Variants in NFAT5 observed in about 807,000 individuals in gnomAD.
The protein encoded by NFAT5 is nuclear factor of activated T-cells 5.
Under a neutral mutation model 166.5 loss-of-function variants are expected in NFAT5, and 31 were observed. The ratio of observed to expected loss-of-function variants is 0.19; its 90% CI spans 0.14 to 0.25. NFAT5 has a LOEUF of 0.25. Ranked by LOEUF, NFAT5 falls within the 10% of genes least tolerant of loss-of-function variation. The pLI, the probability that NFAT5 is intolerant of heterozygous loss-of-function variation, is 1.00. For missense variants in NFAT5, 1,449 were observed against 1,821.8 expected (o/e 0.80, Z 3.72); for synonymous variants, 612 against 639.7 (o/e 0.96, Z 0.65).
At chr16:69,687,921 G>A (rs1344341226) in intron 11 of NFAT5, among the ~76,000 whole-genome samples, 3 of 151,996 alleles carry the variant, frequency 2.0e-5, no homozygotes, top group African/African-American at 7.2e-5. Context: ...TTGGCCGGGC[G>A]CGGTGGCTCA....
chr16:69,664,890 G>A (rs2036300795), intron 7 of NFAT5, among the ~76,000 whole-genome samples: 1 of 152,000 alleles, frequency 6.6e-6, no homozygotes, highest in African/African-American at 2.4e-5. Flanking sequence ...AGCCGGGCTT[G>A]GTGGTGCATA....
Position 69,692,715 on chromosome 16 carries a change from G to A in NFAT5, c.2890G>A (p.Glu964Lys), listed in dbSNP as rs1424945015. ...SHMMSALSTN[E>K]DMQMQCELFS... ...CATGATGAGTGCATTGTCTACCAAT[G>A]AGGATATGCAAATGCAGTGTGAATT... The change falls in exon 13 of 15, where the codon GAG (glutamate) becomes AAG (lysine). Residue 964 changes from glutamate (E) to lysine (K), a missense_variant. Physicochemically the swap from Glu to Lys is moderately conservative, Grantham distance 56. Transcript: ENST00000349945. 1 of 1,614,080 alleles carries A rather than the reference G, an allele frequency of 6.2e-7. No homozygotes were observed. The highest frequency in any genetic ancestry group is 8.5e-7 in the Non-Finnish European group (1 of 1,180,044).
intron 11 of NFAT5, 47 bp from the exon 12 acceptor site, chr16:69,690,892 TA>T: frequency 7.1e-7 from 1 of 1,404,356 alleles, no homozygotes; most frequent in Non-Finnish European, 9.4e-7. Flanking sequence ...AAATAGTTGG[TA>T]AATTTTGTGA....
intron 3 of NFAT5, among the ~76,000 whole-genome samples, chr16:69,626,930 A>C (rs2034484518): frequency 6.6e-6 from 1 of 152,110 alleles, no homozygotes. Flanking sequence ...AAATGACTGA[A>C]GCACTCAAGT....
rs780851457 is a variant in NFAT5 at position 69,693,960 on chromosome 16, G to A, written c.4135G>A (p.Val1379Ile). ...CCATAGCTCTCCTCAGATTCAGTTG[G>A]TACAAGGGTCACCTAGTTCTCAAGA... ...LFHSSPQIQL[V>I]QGSPSSQEQQ... The change falls in exon 13 of 15, where the codon GTA (valine) becomes ATA (isoleucine). Residue 1379 changes from valine (V) to isoleucine (I), a missense_variant. Val to Ile is a conservative substitution (Grantham distance 29). Transcript: ENST00000349945. 5.6e-6 allele frequency: 9 copies of A among 1,614,168 alleles called. No homozygotes were observed. Among genetic ancestry groups the A allele is most frequent in the Non-Finnish European group, 7.6e-6 (9 of 1,180,034 alleles).
rs998259044 is a variant in NFAT5, at chr16:69,693,941, C to T, written c.4116C>T (p.Ser1372=). The change falls in exon 13 of 15, where the codon AGC becomes AGT. Residue 1372 remains serine, a synonymous_variant. Coordinates refer to ENST00000349945, the MANE Select transcript of NFAT5 (RefSeq NM_138713.4). ...SESSQTPLFH[S]SPQIQLVQGS... ...CATCACAGACCCCCTTGTTCCATAG[C>T]TCTCCTCAGATTCAGTTGGTACAAG... The T allele has an allele frequency of 7.4e-6, 12 of 1,614,118 alleles. No individual in the cohort carries two copies. Among genetic ancestry groups the T allele is most frequent in the Admixed American group, 6.7e-5 (4 of 60,012 alleles).
At chr16:69,627,323 CATATATATATATATAT>C (rs10524659) in intron 3 of NFAT5, among the ~76,000 whole-genome samples, 45 of 128,858 alleles carry the variant, frequency 3.5e-4, no homozygotes, top group African/African-American at 4.8e-4. Flanking sequence ...AAAAAGGAAA[CATATATATATATATAT>C]ATATATATAT....
chr16:69,573,739 T>C (rs897830185), intron 2 of NFAT5, among the ~76,000 whole-genome samples: 1 of 152,156 alleles, frequency 6.6e-6, no homozygotes, highest in East Asian at 1.9e-4. Context: ...CATATTCTAA[T>C]CCAGTGGTTC....
chr16:69,600,760 G>GAAAAA (rs34206965), intron 2 of NFAT5, among the ~76,000 whole-genome samples: 3 of 101,358 alleles, frequency 3.0e-5, no homozygotes, highest in Admixed American at 1.2e-4. Flanking sequence ...GGAATACTTT[G>GAAAAA]AAAAAAAAAA....
intron 10 of NFAT5, 115 bp from the exon 11 acceptor site, chr16:69,684,772 C>T (rs901754053): frequency 1.5e-6 from 1 of 683,488 alleles, no homozygotes; most frequent in Non-Finnish European, 2.3e-6. Flanking sequence ...AGAATTTCTG[C>T]TAAATAAATA....
In NFAT5 at chr16:69,694,135, C is replaced by G; in HGVS notation, c.4310C>G (p.Ala1437Gly). The G allele has an allele frequency of 6.2e-7, 1 of 1,614,220 alleles. No individual in the cohort carries two copies. The highest frequency in any genetic ancestry group is 8.5e-7 in the Non-Finnish European group (1 of 1,180,036). Residue 1437 changes from alanine (A) to glycine (G), a missense_variant, in exon 13 of 15, where the codon GCT becomes GGT. Ala to Gly is a moderately conservative substitution (Grantham distance 60). This residue lies in a region of NFAT5 where 891 missense variants were observed against 993.0 expected (regional missense o/e 0.90). Transcript: ENST00000349945. Reference sequence around the variant, plus strand: ...GCCACATCTTCGCCTCAACCACAGGCTACTTTATTTCACAACACAGCAGGA... The same window carrying G: ...GCCACATCTTCGCCTCAACCACAGGGTACTTTATTTCACAACACAGCAGGA... ...QGATSSPQPQ[A>G]TLFHNTAGGT...
At chr16:69,694,430 T>C (rs1414245660) in intron 13 of NFAT5, among the ~76,000 whole-genome samples, 191 bp downstream of exon 13, 1 of 152,186 alleles carries the variant, frequency 6.6e-6, no homozygotes, top group Non-Finnish European at 1.5e-5. Flanking sequence ...AATTTTTGTA[T>C]TTTTGTTAGA....
At chr16:69,607,752 G>C (rs1451606930) in intron 2 of NFAT5, among the ~76,000 whole-genome samples, 1 of 152,132 alleles carries the variant, frequency 6.6e-6, no homozygotes, top group Non-Finnish European at 1.5e-5. Flanking sequence ...ATTTATTTTG[G>C]TCTTCTCATT....
intron 2 of NFAT5, among the ~76,000 whole-genome samples, chr16:69,585,234 C>T (rs780226894): frequency 4.0e-5 from 6 of 151,840 alleles, no homozygotes; most frequent in Admixed American, 6.6e-5. Flanking sequence ...TGGTCTTGAT[C>T]CCCTGACCTC....
chr16:69,683,121 G>C (rs13331216), intron 10 of NFAT5, among the ~76,000 whole-genome samples: 24,534 of 152,112 alleles, frequency 0.16, 2,173 homozygotes, highest in East Asian at 0.38. Flanking sequence ...TAAGGCAGGA[G>C]AATCGCTTGA....
At chr16:69,654,945 TTGTTCCCAAATGC>T (rs2035819035) in intron 5 of NFAT5, among the ~76,000 whole-genome samples, 1 of 152,192 alleles carries the variant, frequency 6.6e-6, no homozygotes, top group Admixed American at 6.5e-5. Flanking sequence ...TTGGAAACAT[TTGTTCCCAAATGC>T]TGTTTTAAAT....
chr16:69,648,310 G>C, intron 4 of NFAT5: 1 of 984,310 alleles, frequency 1.0e-6, no homozygotes, highest in Non-Finnish European at 1.2e-6. Context: ...ATTTTTTAGA[G>C]GATTTTAGAC....
intron 4 of NFAT5, among the ~76,000 whole-genome samples, chr16:69,651,487 G>T (rs1597472211): frequency 6.6e-6 from 1 of 152,170 alleles, no homozygotes; most frequent in African/African-American, 2.4e-5. Flanking sequence ...TTAGAGCCAG[G>T]TTTAAGCCTG....
intron 2 of NFAT5, among the ~76,000 whole-genome samples, chr16:69,586,872 GAC>G (rs2032102729): frequency 6.6e-6 from 1 of 152,134 alleles, no homozygotes; most frequent in Admixed American, 6.5e-5. Flanking sequence ...AGTGAAATAA[GAC>G]ATACTTCTAT....
Sources: gnomAD v4.1 joint callset for allele counts (sites outside exome capture counted in the v4.1 genomes callset) on GRCh38, gnomAD v4.1.1 for gene constraint, gnomAD v4.1.1 regional missense constraint, MANE v1.5 for transcripts, NCBI Gene and HGNC (gene_info 2026-07-23, HGNC 2026-07-21) for gene names.